HERC2: variants seen among roughly 807,000 people sequenced by gnomAD.
The protein encoded by HERC2 is E3 ubiquitin-protein ligase HERC2.
HERC2 carries 102 observed loss-of-function variants against 537.7 expected under a neutral mutation model. That is an observed-to-expected ratio of 0.19 (90% confidence interval 0.16 to 0.22). The LOEUF (loss-of-function observed/expected upper bound fraction) is 0.22. Ranked by LOEUF, HERC2 falls within the 10% of genes least tolerant of loss-of-function variation. The pLI is 1.00. For synonymous variants in HERC2, 2,224 were observed against 2,466.2 expected, an observed-to-expected ratio of 0.90 and a Z score of 2.91; for missense variants, 4,236 against 6,198.2, an observed-to-expected ratio of 0.68 and a Z score of 10.63.
chr15:28,134,497 G>A (rs1002824432), intron 79 of HERC2, among the ~76,000 whole-genome samples: 1 of 152,136 alleles, frequency 6.6e-6, no homozygotes, highest in South Asian at 2.1e-4. Context: ...GTTGCACAAT[G>A]TTGAAGAGAA....
chr15:28,148,229 T>C (rs910168898), intron 70 of HERC2, among the ~76,000 whole-genome samples: 8 of 151,990 alleles, frequency 5.3e-5, no homozygotes, highest in African/African-American at 9.7e-5. Context: ...CAAAACATTT[T>C]ATAAAGCTGA....
rs201142266 is a variant in HERC2 at position 28,265,905 on chromosome 15, G to A, written c.1668C>T (p.Ile556=). The part of the protein sequence containing the change: ...GKQAGKHVVH[I]ACGSTYSAAI... The stretch of plus-strand genomic sequence containing the variant: ...CCGCACTGTAAGTGCTCCCGCAAGC[G>A]ATGTGCACCACGTGCTTCCCGGCCT... The change falls in exon 13 of 93, where the codon ATC becomes ATT. Residue 556 remains isoleucine (I), a synonymous_variant. Transcript: ENST00000261609. The surrounding 1 kb of genome is among the most constrained non-coding windows in gnomAD (Gnocchi z 4.0). The A allele has an allele frequency of 1.2e-5, 19 of 1,614,044 alleles. No homozygotes were observed. The Admixed American group carries it at 1.5e-4, about 13-fold the overall frequency.
At chr15:28,231,294 C>A (rs1449240958) in intron 30 of HERC2, among the ~76,000 whole-genome samples, 4 of 152,160 alleles carry the variant, frequency 2.6e-5, no homozygotes, top group African/African-American at 4.8e-5. Context: ...ATTGGTCCTT[C>A]TTCTAGGAGC....
Position 28,176,535 on chromosome 15 carries a change from A to G in HERC2, c.9579T>C (p.Cys3193=). The G allele has an allele frequency of 1.2e-6, 2 of 1,614,200 alleles. No homozygotes were observed. Among genetic ancestry groups the G allele is most frequent in the Non-Finnish European group, 1.7e-6 (2 of 1,180,028 alleles). The part of the protein sequence containing the change: ...GKLGRGGSEG[C]NIPQNIERLN... ...GTCTCTCAATGTTCTGGGGAATGTT[A>G]CAGCCTTCACTTCCGCCCCGGCCCA... Residue 3193 remains cysteine (C), a synonymous_variant, in exon 63 of 93, where the codon TGT becomes TGC. Coordinates refer to ENST00000261609, the MANE Select transcript of HERC2 (RefSeq NM_004667.6). This position sits in a 1 kb window ranked among gnomAD's most constrained non-coding sequence, Gnocchi z 5.0.
At chr15:28,304,227 A>T (rs1321919995) in intron 2 of HERC2, among the ~76,000 whole-genome samples, 1 of 148,580 alleles carries the variant, frequency 6.7e-6, no homozygotes, top group East Asian at 2.0e-4. Context: ...ATGTTAATTT[A>T]GTATCCTGCA....
intron 56 of HERC2, among the ~76,000 whole-genome samples, chr15:28,183,985 G>C (rs1191064699): frequency 6.6e-6 from 1 of 151,996 alleles, no homozygotes; most frequent in Non-Finnish European, 1.5e-5. Flanking sequence ...CCCAGGAGTT[G>C]GAGACCAGCC....
At chr15:28,144,327 C>G in intron 72 of HERC2, 92 bp from the exon 73 acceptor site, 13 of 1,350,416 alleles carry the variant, frequency 9.6e-6, no homozygotes, top group Non-Finnish European at 1.3e-5. Context: ...CTCCACCCAG[C>G]CCCACCCACC....
At chr15:28,286,235 ATAGAAGCTAATATTAAGAAGCTAATAT>A (rs1238830937) in intron 4 of HERC2, among the ~76,000 whole-genome samples, 1 of 152,000 alleles carries the variant, frequency 6.6e-6, no homozygotes, top group Admixed American at 6.6e-5. Flanking sequence ...TTAGAAGCTA[ATAGAAGCTAATATTAAGAAGCTAATAT>A]TAGAAGCTAA....
intron 36 of HERC2, 50 bp downstream of exon 36, chr15:28,221,978 A>G: frequency 9.5e-7 from 1 of 1,052,996 alleles, no homozygotes; most frequent in East Asian, 2.3e-5. Flanking sequence ...AGAACTGTGC[A>G]GAAGATAACT....
intron 2 of HERC2, among the ~76,000 whole-genome samples, chr15:28,306,947 G>A (rs569818127): frequency 1.3e-5 from 2 of 152,326 alleles, no homozygotes; most frequent in South Asian, 4.1e-4. Context: ...TGATTCTCGT[G>A]CCTCAGCCTT....
At chr15:28,321,618 G>C (rs1439499578) in intron 1 of HERC2, among the ~76,000 whole-genome samples, 154 bp from the exon 2 acceptor site, 1 of 126,676 alleles carries the variant, frequency 7.9e-6, no homozygotes, top group Admixed American at 7.6e-5. Flanking sequence ...AAAGAGGGAA[G>C]AGATGGAGGG....
rs370736294 is a variant in HERC2 at position 28,116,654 on chromosome 15, G to T, written c.13609+11C>A. ...CACAGCGACACAGTCTCAAGCGGCCGAGAAGCTCACCCAGGAAGCGGAACA... is the reference window on the plus strand; with the variant it reads ...CACAGCGACACAGTCTCAAGCGGCCTAGAAGCTCACCCAGGAAGCGGAACA... On this transcript the variant is annotated intron_variant, in intron 88 of 92. Coordinates refer to ENST00000261609, the MANE Select transcript of HERC2 (RefSeq NM_004667.6). The T allele has an allele frequency of 1.1e-5, 17 of 1,601,462 alleles. No homozygotes were observed. The highest frequency in any genetic ancestry group is 5.4e-5 in the African/African-American group (4 of 74,680).
intron 69 of HERC2, among the ~76,000 whole-genome samples, chr15:28,161,484 A>G (rs1312377610): frequency 1.3e-5 from 2 of 152,236 alleles, no homozygotes; most frequent in South Asian, 2.1e-4. Flanking sequence ...CTGATAAAGA[A>G]GAGTTCTTAA....
chr15:28,278,681 C>T (rs888191174), intron 5 of HERC2, among the ~76,000 whole-genome samples: 1 of 152,094 alleles, frequency 6.6e-6, no homozygotes, highest in Non-Finnish European at 1.5e-5. Context: ...CTACAAGTAC[C>T]GCTCCTGTCT....
chr15:28,297,065 C>A (rs1275990311), intron 3 of HERC2, among the ~76,000 whole-genome samples: 1 of 152,180 alleles, frequency 6.6e-6, no homozygotes, highest in Non-Finnish European at 1.5e-5. Context: ...ATGAATGAAA[C>A]CTCACCCTGA....
chr15:28,209,501 G>A (rs1231585427), intron 44 of HERC2, among the ~76,000 whole-genome samples: 2 of 151,788 alleles, frequency 1.3e-5, no homozygotes, highest in African/African-American at 2.4e-5. Flanking sequence ...CTGCCACCAC[G>A]CCCAGCTAAT....
intron 2 of HERC2, among the ~76,000 whole-genome samples, chr15:28,310,467 A>T (rs1225995300): frequency 6.6e-6 from 1 of 152,058 alleles, no homozygotes; most frequent in African/African-American, 2.4e-5. Context: ...ATTTAAATTT[A>T]AAAAATTAAA....
chr15:28,123,673 G>C (rs968209992), intron 85 of HERC2, among the ~76,000 whole-genome samples: 1 of 152,226 alleles, frequency 6.6e-6, no homozygotes, highest in African/African-American at 2.4e-5. Context: ...CGGCCTTCCT[G>C]TGTCAGTGGG....
Position 28,130,505 on chromosome 15 carries a change from G to A in HERC2, c.12660C>T (p.Thr4220=). ...TAAACAAACAGAATCTTGCGTACCA[G>A]GTATAAACAGCTCCAGATTTGGTAA... The part of the protein sequence containing the change: ...VALTKSGAVY[T]WGKGDYHRLG... The change falls in exon 82 of 93, where the codon ACC becomes ACT. Residue 4220 remains threonine (T), a splice_region_variant and synonymous_variant. Coordinates refer to ENST00000261609, the MANE Select transcript of HERC2 (RefSeq NM_004667.6). 6.2e-7 allele frequency: 1 copy of A among 1,613,268 alleles called. No homozygotes were observed. The highest frequency in any genetic ancestry group is 1.7e-4 in the Middle Eastern group (1 of 6,060).
Sources: gnomAD v4.1 joint callset for allele counts (sites outside exome capture counted in the v4.1 genomes callset) on GRCh38, gnomAD v4.1.1 for gene constraint, Gnocchi (gnomAD v3.1) non-coding constraint, MANE v1.5 for transcripts, NCBI Gene and HGNC (gene_info 2026-07-23, HGNC 2026-07-21) for gene names.